Variants in LZTR1 observed in about 807,000 individuals in gnomAD.
The protein encoded by LZTR1 is leucine-zipper-like transcriptional regulator 1.
In LZTR1, 260 loss-of-function variants were observed where a neutral mutation model predicts 105.7. The observed-to-expected ratio is 2.46, with a 90% CI of 2.22 to 2.72. LZTR1 has a LOEUF of 2.72. LZTR1 is among the 30% of genes most tolerant of loss of function. LZTR1 has a pLI of 0.00. For synonymous variants in LZTR1, 490 were observed against 476.4 expected (o/e 1.03, Z -0.37); for missense variants, 1,214 against 1,166.9 (o/e 1.04, Z -0.59).
At position 20,997,490 on chromosome 22, in the gene LZTR1, G is replaced by C; in HGVS notation, c.*142G>C. 1.5e-6 allele frequency: 1 copy of C among 657,928 alleles called. No homozygotes were observed. Among genetic ancestry groups the C allele is most frequent in the Non-Finnish European group, 2.7e-6 (1 of 376,616 alleles). 40.8% of individuals were successfully genotyped at this position (657,928 alleles called of 1,614,324 possible). A position where few individuals can be genotyped will look rare whatever the true frequency, so the allele number is the denominator to read the frequency against. On this transcript the variant is annotated 3_prime_UTR_variant, in exon 21 of 21. Coordinates refer to ENST00000646124, the MANE Select transcript of LZTR1 (RefSeq NM_006767.4). ...TCAGGGTGCCCAGAGCCTCCAAAGA[G>C]AGCTGAGGGGATGTGGGGCCCCAAA...
At chr22:20,989,174 G>A (rs1418904517) in intron 6 of LZTR1, among the ~76,000 whole-genome samples, 4 of 152,256 alleles carry the variant, frequency 2.6e-5, no homozygotes, top group Non-Finnish European at 5.9e-5. Flanking sequence ...CTCAGGCCCA[G>A]CCCTGGTTCT....
chr22:20,993,629 G>C, intron 11 of LZTR1, 33 bp from the exon 12 acceptor site: 1 of 1,585,972 alleles, frequency 6.3e-7, no homozygotes, highest in Non-Finnish European at 8.6e-7. Flanking sequence ...CCTGCTGTCT[G>C]CAACATCTAG....
chr22:20,987,538 TACC>T lies in LZTR1; in HGVS notation c.361_363del (p.His121del). Reference sequence around the variant, plus strand: ...CACTGGGACCCCACCGGCCCCCCGTTACCACCACTCGGCCGTCGTCTATGGGAG... The same window carrying T: ...CACTGGGACCCCACCGGCCCCCCGTTACCACTCGGCCGTCGTCTATGGGAG... On this transcript the variant is annotated inframe_deletion, in exon 4 of 21. Transcript: ENST00000646124. The T allele has an allele frequency of 1.2e-6, 2 of 1,614,136 alleles. No individual in the cohort carries two copies. Among genetic ancestry groups the T allele is most frequent in the Non-Finnish European group, 1.7e-6 (2 of 1,180,002 alleles).
chr22:20,990,666 A>C, intron 8 of LZTR1, 141 bp downstream of exon 8: 1 of 894,296 alleles, frequency 1.1e-6, no homozygotes, highest in Non-Finnish European at 1.7e-6. Context: ...TACAGCCCGG[A>C]GCAGGGATGT....
chr22:20,991,538 G>T, intron 8 of LZTR1, 90 bp from the exon 9 acceptor site: 1 of 1,030,066 alleles, frequency 9.7e-7, no homozygotes, highest in East Asian at 2.6e-5. Flanking sequence ...GGATGCAGGG[G>T]GACCTCCCAG....
Position 20,991,734 on chromosome 22 carries a change from G to T in LZTR1, c.898G>T (p.Gly300Trp), listed in dbSNP as rs1569156022. 6.3e-7 allele frequency: 1 copy of T among 1,577,324 alleles called. No homozygotes were observed. Among genetic ancestry groups the T allele is most frequent in the East Asian group, 2.3e-5 (1 of 43,180 alleles). ...VAFDRHLYVF[G>W]GAADNTLPNE... ...CTTTGACCGCCACCTCTATGTGTTTGGGGGTGCGGCCGACAACACGCTGCC... is the reference window on the plus strand; with the variant it reads ...CTTTGACCGCCACCTCTATGTGTTTTGGGGTGCGGCCGACAACACGCTGCC... The change falls in exon 9 of 21, where the codon GGG becomes TGG. Residue 300 changes from glycine to tryptophan, a missense_variant. Transcript: ENST00000646124.
At chr22:20,989,914 C>G (rs1455383283) in intron 7 of LZTR1, among the ~76,000 whole-genome samples, 1 of 152,140 alleles carries the variant, frequency 6.6e-6, no homozygotes, top group Non-Finnish European at 1.5e-5. Flanking sequence ...CGACCAGTTC[C>G]TCACTGTGGC....
chr22:20,995,731 C>T lies in LZTR1; in HGVS notation c.1943-15C>T. The T allele has an allele frequency of 6.2e-7, 1 of 1,613,204 alleles. No homozygotes were observed. The highest frequency in any genetic ancestry group is 8.5e-7 in the Non-Finnish European group (1 of 1,179,878). On this transcript the variant is annotated splice_polypyrimidine_tract_variant and intron_variant, in intron 16 of 20. Coordinates refer to ENST00000646124, the MANE Select transcript of LZTR1 (RefSeq NM_006767.4). ...ATCCCAGGCTGTACCTGCTCAGGGA[C>T]CCTCCTACCCCCAGGCACATCTCTG... is the stretch of plus-strand genomic sequence containing the variant.
rs1231770624 is a variant in LZTR1, at chr22:20,997,742, G to A, written c.*394G>A. ...CTCAGGCACTGGGGCCTGTCACCAA[G>A]GCTCCTCCAACATGCGGGAGGAGGC... is the stretch of plus-strand genomic sequence containing the variant. On this transcript the variant is annotated 3_prime_UTR_variant, in exon 21 of 21. Transcript: ENST00000646124. The A allele has an allele frequency of 1.1e-5, 2 of 179,366 alleles. No individual in the cohort carries two copies. The highest frequency in any genetic ancestry group is 2.4e-5 in the African/African-American group (1 of 42,264). The allele number at this position is 179,366 out of a possible 1,614,324, so 11.1% of individuals were successfully genotyped here.
Position 20,987,454 on chromosome 22 carries a change from A to AC in LZTR1, c.321-48dup, listed in dbSNP as rs751368053. On this transcript the variant is annotated intron_variant, in intron 3 of 20. Coordinates refer to ENST00000646124, the MANE Select transcript of LZTR1 (RefSeq NM_006767.4). ...GCAGGGCCACCCTGTGGGGGTGTGG[A>AC]CCTCATGGGTGACCCCCGCTGACTC... is the stretch of plus-strand genomic sequence containing the variant. The AC allele has an allele frequency of 2.9e-6, 3 of 1,033,738 alleles. No homozygotes were observed. The South Asian group carries it at 3.8e-5, about 13-fold the overall frequency. 64.0% of individuals were successfully genotyped at this position (1,033,738 alleles called of 1,614,324 possible). A position where few individuals can be genotyped will look rare whatever the true frequency, so the allele number is the denominator to read the frequency against.
In LZTR1 at chr22:20,991,931, A is replaced by C. The variant is rs543839755; in HGVS notation, c.993+102A>C. 3.4e-4 allele frequency: 392 copies of C among 1,165,044 alleles called. 2 individuals carry two copies. The Admixed American group carries it at 5.2e-3, about 16-fold the overall frequency. The allele number at this position is 1,165,044 out of a possible 1,614,324, so 72.2% of individuals were successfully genotyped here. ...CAGCTTTGGGGCCCCCTGGGGTTCC[A>C]GACAGCTACCAGGAGCAAGGCCAGG... On this transcript the variant is annotated intron_variant, in intron 9 of 20. Transcript: ENST00000646124.
At chr22:20,988,726 G>A in intron 5 of LZTR1, 63 bp from the exon 6 acceptor site, 1 of 1,243,874 alleles carries the variant, frequency 8.0e-7, no homozygotes, top group Non-Finnish European at 1.2e-6. Flanking sequence ...GACCACATGG[G>A]GCTGGGTGGC....
intron 8 of LZTR1, 80 bp from the exon 9 acceptor site, chr22:20,991,548 G>A: frequency 8.6e-7 from 1 of 1,165,076 alleles, no homozygotes; most frequent in Non-Finnish European, 1.2e-6. Flanking sequence ...GGACCTCCCA[G>A]TGAAGGCCTG....
chr22:20,994,461 T>C (rs1182349445), intron 14 of LZTR1, 97 bp from the exon 15 acceptor site: 1 of 1,386,046 alleles, frequency 7.2e-7, no homozygotes, highest in East Asian at 2.3e-5. Flanking sequence ...TCCTACCTAG[T>C]GGCCCCAGCC....
intron 3 of LZTR1, chr22:20,986,584 GTAGA>G (rs1271320625): frequency 6.6e-6 from 1 of 152,078 alleles, no homozygotes. Context: ...TAGATGATGG[GTAGA>G]TAGATGACAG....
chr22:20,995,139 C>A, intron 16 of LZTR1, 113 bp downstream of exon 16: 1 of 1,183,796 alleles, frequency 8.4e-7, no homozygotes. Context: ...GGGGTGGGTG[C>A]CATGGGACCC....
intron 15 of LZTR1, 45 bp downstream of exon 15, chr22:20,994,772 C>A: frequency 6.2e-7 from 1 of 1,608,600 alleles, no homozygotes. Context: ...GGGGTGTGCT[C>A]AGGCTTAGGC....
chr22:20,993,540 C>A (rs536222362), intron 11 of LZTR1, 122 bp from the exon 12 acceptor site: 131 of 753,656 alleles, frequency 1.7e-4, no homozygotes, highest in Middle Eastern at 1.3e-3. Context: ...GCCAGGCCCA[C>A]CTGCCTCCTG....
rs771945045 is a variant in LZTR1, at chr22:20,995,752, C to T, written c.1949C>T (p.Ser650Phe). ...GGGACCCTCCTACCCCCAGGCACATCTCTGATCCAGGACATGAAGGCATAC... is the reference window on the plus strand; with the variant it reads ...GGGACCCTCCTACCCCCAGGCACATTTCTGATCCAGGACATGAAGGCATAC... ...PLDQPVDIGT[S>F]LIQDMKAYLE... The change falls in exon 17 of 21, where the codon TCT (serine) becomes TTT (phenylalanine). Residue 650 changes from serine to phenylalanine, a missense_variant. Coordinates refer to ENST00000646124, the MANE Select transcript of LZTR1 (RefSeq NM_006767.4). The T allele has an allele frequency of 1.9e-6, 3 of 1,613,608 alleles. No homozygotes were observed. Among genetic ancestry groups the T allele is most frequent in the South Asian group, 2.2e-5 (2 of 91,084 alleles).
Sources: gnomAD v4.1 joint callset for allele counts (sites outside exome capture counted in the v4.1 genomes callset) on GRCh38, gnomAD v4.1.1 for gene constraint, MANE v1.5 for transcripts, NCBI Gene and HGNC (gene_info 2026-07-23, HGNC 2026-07-21) for gene names.